Variants in DEF6 observed in about 807,000 individuals in gnomAD.
DEF6 encodes the protein differentially expressed in FDCP 6 homolog.
Under a neutral mutation model 80.5 loss-of-function variants are expected in DEF6, and 32 were observed. The observed-to-expected ratio is 0.40, with a 90% CI of 0.30 to 0.53. The LOEUF (loss-of-function observed/expected upper bound fraction) is 0.53. DEF6 is among the 20% of genes least tolerant of loss of function. The probability of loss-of-function intolerance (pLI) is 0.57; values close to 1 mark genes in which losing one functional copy is unlikely to be tolerated. For synonymous variants in DEF6, 300 were observed against 337.9 expected (o/e 0.89, Z 1.23); for missense variants, 575 against 818.7 (o/e 0.70, Z 3.63).
At chr6:35,305,696 C>T (rs539983356) in intron 1 of DEF6, among the ~76,000 whole-genome samples, 1 of 152,058 alleles carries the variant, frequency 6.6e-6, no homozygotes, top group East Asian at 1.9e-4. Context: ...GCCTCAGCCT[C>T]CCTGTAACTG....
At chr6:35,313,135 A>C (rs534138330) in intron 5 of DEF6, among the ~76,000 whole-genome samples, 1 of 150,040 alleles carries the variant, frequency 6.7e-6, no homozygotes, top group Non-Finnish European at 1.5e-5. Flanking sequence ...GTACTTCCCT[A>C]TTCTCCTTCC....
rs552594287 is a variant in DEF6, at chr6:35,320,237, G to A, written c.1581+220G>A. Among the ~76,000 whole-genome samples, 14 of 152,324 alleles carry A rather than the reference G, an allele frequency of 9.2e-5. No individual in the cohort carries two copies. The South Asian group carries it at 2.7e-3, about 29-fold the overall frequency. Reference sequence around the variant, plus strand: ...TGAGATGATACATGATACTTAGTACGTAGTAAGTGCTGAAGAAACATTTGC... The same window carrying A: ...TGAGATGATACATGATACTTAGTACATAGTAAGTGCTGAAGAAACATTTGC... On this transcript the variant is annotated intron_variant, in intron 9 of 10. Transcript: ENST00000316637.
intron 1 of DEF6, among the ~76,000 whole-genome samples, chr6:35,302,622 C>T (rs1051343449): frequency 2.0e-5 from 3 of 152,154 alleles, no homozygotes. Context: ...GATGAAGCAT[C>T]TCAAAGGTCA....
At chr6:35,313,400 T>C (rs1396381876) in intron 5 of DEF6, 1 of 368,262 alleles carries the variant, frequency 2.7e-6, no homozygotes, top group South Asian at 2.0e-5. Context: ...TACATTCATA[T>C]ATTTTATAAA....
intron 1 of DEF6, among the ~76,000 whole-genome samples, chr6:35,303,797 G>A (rs1231737034): frequency 6.6e-6 from 1 of 151,644 alleles, no homozygotes; most frequent in Non-Finnish European, 1.5e-5. Context: ...AGGAATTCAA[G>A]ACCAACCTGG....
At chr6:35,306,170 A>G (rs1425031597) in intron 1 of DEF6, among the ~76,000 whole-genome samples, 2 of 150,704 alleles carry the variant, frequency 1.3e-5, no homozygotes, top group Non-Finnish European at 3.0e-5. Flanking sequence ...CTGGGATTAC[A>G]GGCGTGAGCC....
chr6:35,302,952 G>A (rs1005176353), intron 1 of DEF6, among the ~76,000 whole-genome samples: 5 of 152,060 alleles, frequency 3.3e-5, no homozygotes, highest in African/African-American at 1.2e-4. Flanking sequence ...CCTGATCCAG[G>A]GCTGAGGACT....
At chr6:35,308,025 G>T (rs1220771839) in intron 1 of DEF6, among the ~76,000 whole-genome samples, 2 of 152,180 alleles carry the variant, frequency 1.3e-5, no homozygotes, top group African/African-American at 2.4e-5. Flanking sequence ...GATGAACAGA[G>T]ACCTTGTCTC....
intron 1 of DEF6, among the ~76,000 whole-genome samples, chr6:35,301,887 C>T: frequency 6.6e-6 from 1 of 152,074 alleles, no homozygotes; most frequent in East Asian, 1.9e-4. Context: ...CCACCACGCC[C>T]AGCTAATTTT....
rs771895537 is a variant in DEF6 at position 35,319,998 on chromosome 6, G to A, written c.1562G>A (p.Arg521Lys). The A allele has an allele frequency of 9.0e-6, 14 of 1,562,034 alleles. No homozygotes were observed. The African/African-American group carries it at 1.8e-4, about 20-fold the overall frequency. The change falls in exon 9 of 11, where the codon AGG becomes AAG. Residue 521 changes from arginine (R) to lysine (K), a missense_variant. By Grantham distance (26) the Arg-to-Lys change is conservative (BLOSUM62 2). Transcript: ENST00000316637. The surrounding 1 kb of genome is among the most constrained non-coding windows in gnomAD (Gnocchi z 4.5). Reference protein sequence around the residue: ...QLEEVRQNRQRADEDVEAAQR... With the variant: ...QLEEVRQNRQKADEDVEAAQR... ...GAGGAGGTGCGGCAGAACCGGCAGA[G>A]GGCTGACGAGGATGTGGAGGTGAGG...
intron 1 of DEF6, among the ~76,000 whole-genome samples, chr6:35,298,342 CTT>C (rs1367643309): frequency 6.6e-6 from 1 of 152,168 alleles, no homozygotes; most frequent in East Asian, 1.9e-4. Context: ...TTCCTCCTGA[CTT>C]TCAAGAGAAA....
In DEF6 at chr6:35,312,487, C is replaced by T. The variant is rs1440054862; in HGVS notation, c.609C>T (p.Ser203=). The T allele has an allele frequency of 1.9e-6, 3 of 1,614,196 alleles. No individual in the cohort carries two copies. Among genetic ancestry groups the T allele is most frequent in the Non-Finnish European group, 2.5e-6 (3 of 1,180,050 alleles). The change falls in exon 4 of 11, where the codon AGC becomes AGT. Residue 203 remains serine, a synonymous_variant. Transcript: ENST00000316637. This position sits in a 1 kb window ranked among gnomAD's most constrained non-coding sequence, Gnocchi z 6.6. ...CLRGVGRDTL[S]MAIHEVYQEL... is the part of the protein sequence containing the mutation. ...GGGGCGTGGGCCGGGACACCCTCAG[C>T]ATGGCCATCCACGAGGTCTACCAGG...
chr6:35,320,984 A>G lies in DEF6; in HGVS notation c.1672+10A>G, dbSNP rs774240748. 1 of 1,612,464 alleles carries G rather than the reference A, an allele frequency of 6.2e-7. No individual in the cohort carries two copies. Among genetic ancestry groups the G allele is most frequent in the African/African-American group, 1.3e-5 (1 of 74,852 alleles). On this transcript the variant is annotated intron_variant, in intron 10 of 10. Transcript: ENST00000316637. ...CCAATTGAGCCTGGAGGTGAGAAGG[A>G]ATAGACTCTGGAGCTTTCCCTGGAG...
chr6:35,304,013 A>T (rs1013054548), intron 1 of DEF6, among the ~76,000 whole-genome samples: 2 of 152,124 alleles, frequency 1.3e-5, no homozygotes, highest in African/African-American at 4.8e-5. Flanking sequence ...GGCACCTGTA[A>T]TCCCAGCTAC....
At chr6:35,302,829 G>A (rs928605854) in intron 1 of DEF6, among the ~76,000 whole-genome samples, 4 of 152,218 alleles carry the variant, frequency 2.6e-5, no homozygotes, top group Non-Finnish European at 5.9e-5. Flanking sequence ...CTCAGCCAGG[G>A]CCAGTGCACT....
At chr6:35,298,373 C>T (rs532800177) in intron 1 of DEF6, among the ~76,000 whole-genome samples, 1 of 152,326 alleles carries the variant, frequency 6.6e-6, no homozygotes, top group East Asian at 1.9e-4. Flanking sequence ...CAGTGCTTGG[C>T]AGTCATTTCC....
Position 35,297,895 on chromosome 6 carries a change from C to T in DEF6, c.39C>T (p.Tyr13=), listed in dbSNP as rs1181650801. ...AGGAACTGCTCAAGTCCATCTGGTA[C>T]GCCTTTACCGCGCTGGACGTGGAGA... ...LRKELLKSIW[Y]AFTALDVEKS... The change falls in exon 1 of 11, where the codon TAC becomes TAT. Residue 13 remains tyrosine, a synonymous_variant. Coordinates refer to ENST00000316637, the MANE Select transcript of DEF6 (RefSeq NM_022047.4). The T allele has an allele frequency of 6.8e-6, 11 of 1,607,644 alleles. No individual in the cohort carries two copies. The highest frequency in any genetic ancestry group is 3.4e-5 in the Admixed American group (2 of 59,064).
At chr6:35,301,270 C>A (rs1435179331) in intron 1 of DEF6, among the ~76,000 whole-genome samples, 1 of 152,144 alleles carries the variant, frequency 6.6e-6, no homozygotes, top group Non-Finnish European at 1.5e-5. Flanking sequence ...TTTGTCCTGA[C>A]CCCTGTGTGC....
At chr6:35,307,318 G>A (rs1791406151) in intron 1 of DEF6, among the ~76,000 whole-genome samples, 1 of 152,272 alleles carries the variant, frequency 6.6e-6, no homozygotes, top group Non-Finnish European at 1.5e-5. Context: ...AGAATCACGT[G>A]AACCTGGGAG....
Sources: allele counts gnomAD v4.1 joint callset (sites outside exome capture counted in the v4.1 genomes callset), GRCh38; gene constraint gnomAD v4.1.1; non-coding constraint Gnocchi (gnomAD v3.1); transcripts MANE v1.5; gene names NCBI Gene and HGNC (gene_info 2026-07-23, HGNC 2026-07-21).